The following SMOC2 variants were observed in gnomAD, a reference collection of about 807,000 sequenced individuals.
SMOC2 encodes SPARC related modular calcium binding 2.
Under a neutral mutation model 61.4 loss-of-function variants are expected in SMOC2, and 39 were observed. The ratio of observed to expected loss-of-function variants is 0.64; its 90% CI spans 0.49 to 0.83. The LOEUF (loss-of-function observed/expected upper bound fraction) is 0.83, where lower values mean the gene tolerates loss of function less well. SMOC2 is among the 40% of genes least tolerant of loss of function. The pLI is 0.00. For missense variants in SMOC2, 556 were observed against 592.9 expected, an observed-to-expected ratio of 0.94 and a Z score of 0.65; for synonymous variants, 247 against 239.9, an observed-to-expected ratio of 1.03 and a Z score of -0.27.
At chr6:168,569,029 T>C (rs937739539) in intron 7 of SMOC2, among the ~76,000 whole-genome samples, 1 of 152,210 alleles carries the variant, frequency 6.6e-6, no homozygotes, top group Non-Finnish European at 1.5e-5. Flanking sequence ...TGTAGGTTTT[T>C]GTGGACATCA....
chr6:168,465,700 T>TC (rs1781814159), intron 1 of SMOC2, among the ~76,000 whole-genome samples: 1 of 117,692 alleles, frequency 8.5e-6, no homozygotes, highest in African/African-American at 3.2e-5. Context: ...GAGCTGGAAC[T>TC]GGGGGCTCTG....
chr6:168,540,228 A>C (rs951638690), intron 4 of SMOC2, among the ~76,000 whole-genome samples: 3 of 152,222 alleles, frequency 2.0e-5, no homozygotes, highest in African/African-American at 7.2e-5. Flanking sequence ...GAATGAATGC[A>C]CATAAGGTGA....
chr6:168,650,604 C>A, intron 9 of SMOC2, 77 bp from the exon 10 acceptor site: 3 of 1,385,340 alleles, frequency 2.2e-6, no homozygotes, highest in Middle Eastern at 2.1e-4. Context: ...AACAGTAAAA[C>A]AACATTTCCC....
chr6:168,479,805 C>T (rs1782168403), intron 1 of SMOC2, among the ~76,000 whole-genome samples: 1 of 152,168 alleles, frequency 6.6e-6, no homozygotes, highest in Non-Finnish European at 1.5e-5. Context: ...TGCATCTTAC[C>T]CATTGTCCCA....
At chr6:168,581,551 T>C (rs1390687895) in intron 7 of SMOC2, among the ~76,000 whole-genome samples, 1 of 152,268 alleles carries the variant, frequency 6.6e-6, no homozygotes. Context: ...TTTCTTGCCG[T>C]CACTGAGTTT....
intron 9 of SMOC2, among the ~76,000 whole-genome samples, chr6:168,633,766 A>G (rs1786634386): frequency 6.6e-6 from 1 of 152,174 alleles, no homozygotes; most frequent in Middle Eastern, 3.2e-3. Flanking sequence ...GTTTTTGTAT[A>G]GAGAGAGTAT....
intron 8 of SMOC2, among the ~76,000 whole-genome samples, chr6:168,602,434 T>G (rs1400798476): frequency 6.6e-6 from 1 of 151,690 alleles, no homozygotes; most frequent in African/African-American, 2.4e-5. Context: ...CGAGAAAGAG[T>G]TTTTCTTTTT....
chr6:168,650,146 T>C (rs1431279506), intron 9 of SMOC2, among the ~76,000 whole-genome samples: 1 of 152,204 alleles, frequency 6.6e-6, no homozygotes, highest in African/African-American at 2.4e-5. Context: ...AACCCTGCTG[T>C]GGACTGTTCG....
chr6:168,465,534 G>C (rs1473427160), intron 1 of SMOC2, among the ~76,000 whole-genome samples: 1 of 151,200 alleles, frequency 6.6e-6, no homozygotes, highest in Non-Finnish European at 1.5e-5. Context: ...AATCATTCTG[G>C]GTGCAGGTGG....
intron 4 of SMOC2, among the ~76,000 whole-genome samples, chr6:168,536,259 A>C (rs973416544): frequency 6.6e-6 from 1 of 152,160 alleles, no homozygotes; most frequent in Non-Finnish European, 1.5e-5. Flanking sequence ...AGGATGGTCA[A>C]GGGGCCAGTG....
At chr6:168,637,738 C>T (rs1470583345) in intron 9 of SMOC2, among the ~76,000 whole-genome samples, 1 of 152,202 alleles carries the variant, frequency 6.6e-6, no homozygotes, top group Non-Finnish European at 1.5e-5. Flanking sequence ...ACTGCTTCTT[C>T]CAAACAAAAC....
chr6:168,478,818 TCA>T (rs1782144856), intron 1 of SMOC2, among the ~76,000 whole-genome samples: 4 of 150,966 alleles, frequency 2.6e-5, no homozygotes, highest in Non-Finnish European at 5.9e-5. Context: ...GTTGAATGAT[TCA>T]TGGTATCTGG....
chr6:168,591,333 C>T (rs1785175966), intron 7 of SMOC2, among the ~76,000 whole-genome samples: 1 of 152,224 alleles, frequency 6.6e-6, no homozygotes, highest in Non-Finnish European at 1.5e-5. Flanking sequence ...ACTAGAAAAG[C>T]ACAAACCACC....
chr6:168,630,227 G>A (rs975493535), intron 9 of SMOC2, among the ~76,000 whole-genome samples: 1 of 152,198 alleles, frequency 6.6e-6, no homozygotes, highest in Admixed American at 6.5e-5. Flanking sequence ...ACAGAAGCCT[G>A]TCCTGTTGCG....
intron 6 of SMOC2, among the ~76,000 whole-genome samples, chr6:168,547,779 A>G (rs558146972): frequency 6.3e-4 from 96 of 152,140 alleles, no homozygotes; most frequent in African/African-American, 2.2e-3. Flanking sequence ...GGCCGTGTCC[A>G]GCCTTATGAG....
chr6:168,531,515 A>G (rs1208351921), intron 4 of SMOC2, among the ~76,000 whole-genome samples: 2 of 152,204 alleles, frequency 1.3e-5, no homozygotes, highest in South Asian at 2.1e-4. Flanking sequence ...ATAGGAAAAG[A>G]CACATCCCTG....
Position 168,587,394 on chromosome 6 carries a change from C to T in SMOC2, c.638-11424C>T, listed in dbSNP as rs545071232. On this transcript the variant is annotated intron_variant, in intron 7 of 12. Coordinates refer to ENST00000356284, the MANE Select transcript of SMOC2 (RefSeq NM_001166412.2). ...ATGACATGGCCTCGGGAGGTCCTAA[C>T]GACGCGTGCCCAAGGTGGTCGGGGC... Among the ~76,000 whole-genome samples the T allele has an allele frequency of 3.3e-5, 5 of 152,274 alleles. No individual in the cohort carries two copies. The South Asian group carries it at 6.2e-4, about 19-fold the overall frequency.
intron 1 of SMOC2, among the ~76,000 whole-genome samples, chr6:168,455,789 A>G (rs979062259): frequency 1.2e-4 from 18 of 152,228 alleles, no homozygotes; most frequent in Admixed American, 1.3e-4. Context: ...AAACCGAACA[A>G]CCTAGCCTCA....
rs149774145 is a variant in SMOC2 at position 168,653,034 on chromosome 6, G to A, written c.1091G>A (p.Ser364Asn). 1.2e-6 allele frequency: 2 copies of A among 1,614,060 alleles called. No homozygotes were observed. The highest frequency in any genetic ancestry group is 2.7e-5 in the African/African-American group (2 of 74,916). Reference protein sequence around the residue: ...WYFKLLDKNSSGDIGKKEIKP... With the variant: ...WYFKLLDKNSNGDIGKKEIKP... The stretch of plus-strand genomic sequence containing the variant: ...TTCAAACTACTGGATAAAAACTCCA[G>A]TGGAGACATCGGCAAAAAGGAAATC... Residue 364 changes from serine (S) to asparagine (N), a missense_variant, in exon 11 of 13, where the codon AGT (serine) becomes AAT (asparagine). By Grantham distance (46) the Ser-to-Asn change is conservative. Coordinates refer to ENST00000356284, the MANE Select transcript of SMOC2 (RefSeq NM_001166412.2).
Sources: allele counts gnomAD v4.1 joint callset (sites outside exome capture counted in the v4.1 genomes callset), GRCh38; gene constraint gnomAD v4.1.1; transcripts MANE v1.5; gene names NCBI Gene and HGNC (gene_info 2026-07-23, HGNC 2026-07-21).